COMTD1: variants seen among roughly 807,000 people sequenced by gnomAD.
COMTD1 encodes the protein catechol O-methyltransferase domain-containing protein 1.
In COMTD1, 35 loss-of-function variants were observed where a neutral mutation model predicts 33.6. That is an observed-to-expected ratio of 1.04 (90% CI 0.80 to 1.38). The LOEUF (loss-of-function observed/expected upper bound fraction) is 1.38. Among genes scored for constraint, COMTD1 ranks in the 40% most tolerant of loss-of-function variants. The pLI is 0.00. For missense variants in COMTD1, 370 were observed against 363.4 expected, an observed-to-expected ratio of 1.02 and a Z score of -0.15; for synonymous variants, 160 against 176.8, an observed-to-expected ratio of 0.91 and a Z score of 0.75.
rs1214870659 is a variant in COMTD1 at position 75,233,932 on chromosome 10, CCCTT to C, written c.*137_*140del. 6.5e-7 allele frequency: 1 copy of C among 1,537,934 alleles called. No individual in the cohort carries two copies. The highest frequency in any genetic ancestry group is 1.4e-5 in the African/African-American group (1 of 73,228). ...GAGCTGTCTGTGCTGGGCCTTCCCT[CCCTT>C]CCCCATCCAGCGCCACACACGGAGG... On this transcript the variant is annotated 3_prime_UTR_variant, in exon 7 of 7. Transcript: ENST00000372538.
intron 4 of COMTD1, 28 bp from the exon 5 acceptor site, chr10:75,235,020 G>A: frequency 1.3e-6 from 2 of 1,490,314 alleles, no homozygotes; most frequent in Non-Finnish European, 1.8e-6. Context: ...CAGCCGTTGC[G>A]CCCCCGCCTG....
rs1248609286 is a variant in COMTD1, at chr10:75,235,690, C to A, written c.148G>T (p.Glu50Ter). 6.3e-7 allele frequency: 1 copy of A among 1,597,334 alleles called. No individual in the cohort carries two copies. The highest frequency in any genetic ancestry group is 1.7e-5 in the Admixed American group (1 of 58,318). The change falls in exon 2 of 7, where the codon GAG becomes TAG. Residue 50 changes from glutamate (E) to a stop codon, truncating the protein, a stop_gained. Coordinates refer to ENST00000372538, the MANE Select transcript of COMTD1 (RefSeq NM_144589.4). LOFTEE classifies it high-confidence loss of function. ...GRREQCLLPP[E>*]DSRLWQYLLS... ...AGATACTGCCACAGGCGGCTGTCCT[C>A]GGGGGGAAGCAGGCACTGCTCTCGC...
intron 6 of COMTD1, 35 bp downstream of exon 6, chr10:75,234,575 G>A: frequency 6.5e-7 from 1 of 1,534,808 alleles, no homozygotes; most frequent in Non-Finnish European, 8.8e-7. Flanking sequence ...CGGCCCGACA[G>A]GGTGCTTTCT....
intron 6 of COMTD1, 83 bp downstream of exon 6, chr10:75,234,527 T>G: frequency 1.4e-6 from 2 of 1,477,208 alleles, no homozygotes; most frequent in South Asian, 1.4e-5. Context: ...GGGTGGGGCT[T>G]TGGGGTATAA....
rs774583648 is a variant in COMTD1 at position 75,234,750 on chromosome 10, G to C, written c.503-7C>G. The C allele has an allele frequency of 1.6e-5, 26 of 1,577,534 alleles. No individual in the cohort carries two copies. Among genetic ancestry groups the C allele is most frequent in the African/African-American group, 1.2e-4 (9 of 73,190 alleles). On this transcript the variant is annotated splice_region_variant and splice_polypyrimidine_tract_variant and intron_variant, in intron 5 of 6. Coordinates refer to ENST00000372538, the MANE Select transcript of COMTD1 (RefSeq NM_144589.4). ...CCCGCCGCCAGCAGCTCGTCTTGCGGGGGGAGGGAGGGCAGGTGCGGCTGA... is the reference window on the plus strand; with the variant it reads ...CCCGCCGCCAGCAGCTCGTCTTGCGCGGGGAGGGAGGGCAGGTGCGGCTGA...
intron 1 of COMTD1, 38 bp downstream of exon 1, chr10:75,235,797 G>GGGGGGCCCCCCCCC: frequency 6.5e-7 from 1 of 1,538,662 alleles, no homozygotes; most frequent in Non-Finnish European, 8.8e-7. Flanking sequence ...CCTACTCTGC[G>GGGGGGCCCCCCCCC]CCCGCCCACC....
Position 75,235,661 on chromosome 10 carries a change from C to T in COMTD1, c.177G>A (p.Leu59=). The T allele has an allele frequency of 6.9e-6, 11 of 1,598,366 alleles. No individual in the cohort carries two copies. Among genetic ancestry groups the T allele is most frequent in the Non-Finnish European group, 9.4e-6 (11 of 1,174,030 alleles). The part of the protein sequence containing the change: ...PEDSRLWQYL[L]SRSMREHPAL... Reference sequence around the variant, plus strand: ...CCGGGTGCTCCCGCATGGAGCGGCTCAGAAGATACTGCCACAGGCGGCTGT... The same window carrying T: ...CCGGGTGCTCCCGCATGGAGCGGCTTAGAAGATACTGCCACAGGCGGCTGT... Residue 59 remains leucine (L), a synonymous_variant, in exon 2 of 7, where the codon CTG becomes CTA. Coordinates refer to ENST00000372538, the MANE Select transcript of COMTD1 (RefSeq NM_144589.4).
rs944371095 is a variant in COMTD1, at chr10:75,234,447, A to G, written c.636+163T>C. 8 of 1,214,940 alleles carry G rather than the reference A, an allele frequency of 6.6e-6. No individual in the cohort carries two copies. In the African/African-American group the frequency reaches 1.2e-4, roughly 19 times the overall value. 75.3% of individuals were successfully genotyped at this position (1,214,940 alleles called of 1,614,324 possible). A position where few individuals can be genotyped will look rare whatever the true frequency, so the allele number is the denominator to read the frequency against. On this transcript the variant is annotated intron_variant, in intron 6 of 6. Transcript: ENST00000372538. ...GGAGGTGACCAGAGCTGGAGACAGA[A>G]CCAAAGCGGAGGAAAGCCTGGGTAC...
At position 75,235,791 on chromosome 10, in the gene COMTD1, C is replaced by G. The variant is rs1340677469; in HGVS notation, c.94+44G>C. 2.6e-6 allele frequency: 4 copies of G among 1,551,456 alleles called. No homozygotes were observed. The African/African-American group carries it at 5.5e-5, about 21-fold the overall frequency. On this transcript the variant is annotated intron_variant, in intron 1 of 6. Coordinates refer to ENST00000372538, the MANE Select transcript of COMTD1 (RefSeq NM_144589.4). ...TTAACCTGAGCCACGCCGCGCCCTA[C>G]TCTGCGCCCGCCCACCCGCCCGCCG...
In COMTD1 at chr10:75,235,262, C is replaced by G; in HGVS notation, c.328+5G>C. 1 of 1,545,604 alleles carries G rather than the reference C, an allele frequency of 6.5e-7. No homozygotes were observed. Among genetic ancestry groups the G allele is most frequent in the Non-Finnish European group, 8.7e-7 (1 of 1,149,028 alleles). ...CCCTCCGGGATCCCGGCCGCGTGCC[C>G]CTACCCAGGTCCAGCGCCTTCTTGG... On this transcript the variant is annotated splice_donor_5th_base_variant and intron_variant, in intron 3 of 6. Transcript: ENST00000372538.
chr10:75,234,379 T>G (rs1325118532), intron 6 of COMTD1, 154 bp from the exon 7 acceptor site: 6 of 908,760 alleles, frequency 6.6e-6, no homozygotes, highest in South Asian at 3.7e-5. Flanking sequence ...CGGAGGGAGG[T>G]GTCTGGGCGG....
rs890353390 is a variant in COMTD1 at position 75,233,858 on chromosome 10, C to T, written c.*215G>A. ...AGGTTCCTGCAGTTGGGCCACAGAC[C>T]TGGCGCCAGGGAGGGGACGAATCTC... On this transcript the variant is annotated 3_prime_UTR_variant, in exon 7 of 7. Transcript: ENST00000372538. 28 of 1,303,426 alleles carry T rather than the reference C, an allele frequency of 2.1e-5. No homozygotes were observed. Among genetic ancestry groups the T allele is most frequent in the Non-Finnish European group, 2.6e-5 (26 of 982,508 alleles). 80.7% of individuals were successfully genotyped at this position (1,303,426 alleles called of 1,614,324 possible).
chr10:75,235,779 C>A (rs751213025), intron 1 of COMTD1, 36 bp from the exon 2 acceptor site: 1 of 1,573,582 alleles, frequency 6.4e-7, no homozygotes, highest in Non-Finnish European at 8.6e-7. Flanking sequence ...ACCTGAGCCA[C>A]GCCGCGCCCT....
intron 5 of COMTD1, 85 bp downstream of exon 5, chr10:75,234,853 C>T (rs1842167208): frequency 6.5e-7 from 1 of 1,529,392 alleles, no homozygotes; most frequent in Non-Finnish European, 8.8e-7. Context: ...CCTTAACCTG[C>T]CCGGCAGGCC....
intron 5 of COMTD1, 25 bp from the exon 6 acceptor site, chr10:75,234,768 G>T: frequency 6.4e-7 from 1 of 1,562,296 alleles, no homozygotes; most frequent in Admixed American, 1.8e-5. Flanking sequence ...GAGGGCAGGT[G>T]CGGCTGAGTC....
chr10:75,234,497 G>A, intron 6 of COMTD1, 113 bp downstream of exon 6: 1 of 1,423,518 alleles, frequency 7.0e-7, no homozygotes. Context: ...CGGAGGGGGT[G>A]TAGCCTACGT....
intron 1 of COMTD1, 38 bp downstream of exon 1, chr10:75,235,797 G>GCCCCCCC: frequency 1.3e-6 from 2 of 1,538,664 alleles, no homozygotes; most frequent in East Asian, 2.5e-5. Context: ...CCTACTCTGC[G>GCCCCCCC]CCCGCCCACC....
rs1842188285 is a variant in COMTD1, at chr10:75,235,955, A to T, written c.-27T>A. 7.0e-6 allele frequency: 10 copies of T among 1,424,620 alleles called. No individual in the cohort carries two copies. Among genetic ancestry groups the T allele is most frequent in the Non-Finnish European group, 9.1e-6 (10 of 1,097,580 alleles). The allele number at this position is 1,424,620 out of a possible 1,614,324, so 88.2% of individuals were successfully genotyped here. ...GCGCGGGCAGGAGGCGGCGGGAGGCAGTGACAGGTCACGTGAGCTGGAGCT... is the reference window on the plus strand; with the variant it reads ...GCGCGGGCAGGAGGCGGCGGGAGGCTGTGACAGGTCACGTGAGCTGGAGCT... On this transcript the variant is annotated 5_prime_UTR_variant, in exon 1 of 7. Coordinates refer to ENST00000372538, the MANE Select transcript of COMTD1 (RefSeq NM_144589.4).
intron 5 of COMTD1, 87 bp downstream of exon 5, chr10:75,234,851 T>C: frequency 6.5e-7 from 1 of 1,530,136 alleles, no homozygotes. Context: ...GCCCTTAACC[T>C]GCCCGGCAGG....
Sources: gnomAD v4.1 joint callset for allele counts on GRCh38, gnomAD v4.1.1 for gene constraint, MANE v1.5 for transcripts, NCBI Gene and HGNC (gene_info 2026-07-23, HGNC 2026-07-21) for gene names.